Variants in IMMP2L observed in about 807,000 individuals in gnomAD.
The protein encoded by IMMP2L is mitochondrial inner membrane protease subunit 2.
IMMP2L carries 18 observed loss-of-function variants against 19.3 expected under a neutral mutation model. The observed-to-expected ratio is 0.93, with a 90% confidence interval of 0.64 to 1.38. The LOEUF (loss-of-function observed/expected upper bound fraction) is 1.38. Ranked by LOEUF, IMMP2L falls within the 40% of genes most tolerant of loss-of-function variation. IMMP2L has a pLI of 0.00. For missense variants in IMMP2L, 233 were observed against 218.2 expected (o/e 1.07, Z -0.43); for synonymous variants, 76 against 73.0 (o/e 1.04, Z -0.21).
chr7:111,321,118 T>A (rs1824654080), intron 3 of IMMP2L, among the ~76,000 whole-genome samples: 1 of 152,030 alleles, frequency 6.6e-6, no homozygotes, highest in African/African-American at 2.4e-5. Context: ...GAGTTTGTCA[T>A]AAATTTCAGG....
chr7:111,495,073 T>C (rs1180110214), intron 2 of IMMP2L, among the ~76,000 whole-genome samples: 1 of 152,156 alleles, frequency 6.6e-6, no homozygotes, highest in Non-Finnish European at 1.5e-5. Context: ...TGAATACCTA[T>C]AAAATACCTA....
intron 5 of IMMP2L, among the ~76,000 whole-genome samples, chr7:110,851,474 G>A (rs147975686): frequency 1.0e-3 from 156 of 152,250 alleles, no homozygotes; most frequent in African/African-American, 3.3e-3. Context: ...GTCCTGAGAC[G>A]TTGTTTATGT....
intron 3 of IMMP2L, among the ~76,000 whole-genome samples, chr7:110,994,398 A>G (rs1214955852): frequency 6.6e-6 from 1 of 152,096 alleles, no homozygotes; most frequent in Non-Finnish European, 1.5e-5. Context: ...TAACAACTAC[A>G]TATTTTAGCT....
At chr7:110,910,564 A>C (rs1375635174) in intron 4 of IMMP2L, among the ~76,000 whole-genome samples, 1 of 152,130 alleles carries the variant, frequency 6.6e-6, no homozygotes, top group Non-Finnish European at 1.5e-5. Context: ...AATCAGAGAG[A>C]CTTTGACTTT....
chr7:110,901,967 A>G (rs1431676548), intron 4 of IMMP2L, among the ~76,000 whole-genome samples: 1 of 152,164 alleles, frequency 6.6e-6, no homozygotes, highest in African/African-American at 2.4e-5. Flanking sequence ...ACTGATTTGC[A>G]TCAAAGCTAT....
At chr7:110,911,055 T>C (rs1218303584) in intron 4 of IMMP2L, among the ~76,000 whole-genome samples, 1 of 152,162 alleles carries the variant, frequency 6.6e-6, no homozygotes, top group African/African-American at 2.4e-5. Flanking sequence ...TATTTACAAA[T>C]ATATATAATC....
intron 3 of IMMP2L, among the ~76,000 whole-genome samples, chr7:111,434,518 G>GT (rs902016933): frequency 4.0e-5 from 6 of 149,984 alleles, no homozygotes; most frequent in African/African-American, 1.5e-4. Flanking sequence ...TTTTCTTTTT[G>GT]TTTTTTTGTC....
intron 3 of IMMP2L, among the ~76,000 whole-genome samples, chr7:111,472,372 T>TTGC (rs1841347563): frequency 1.3e-5 from 2 of 152,158 alleles, no homozygotes; most frequent in Admixed American, 1.3e-4. Context: ...AGGCATCATG[T>TTGC]TGCTCATTAA....
intron 3 of IMMP2L, among the ~76,000 whole-genome samples, chr7:111,285,038 G>A (rs1425725052): frequency 6.6e-6 from 1 of 152,140 alleles, no homozygotes; most frequent in African/African-American, 2.4e-5. Context: ...TGAGGGTAAG[G>A]AAGAGCTTCT....
chr7:110,959,796 A>G (rs1387165993), intron 4 of IMMP2L, among the ~76,000 whole-genome samples: 1 of 151,884 alleles, frequency 6.6e-6, no homozygotes, highest in African/African-American at 2.4e-5. Context: ...GCAGCAGTGG[A>G]AAGAGAGGAG....
intron 1 of IMMP2L, among the ~76,000 whole-genome samples, chr7:111,550,428 C>T (rs1849343338): frequency 6.6e-6 from 1 of 152,090 alleles, no homozygotes; most frequent in African/African-American, 2.4e-5. Context: ...CAAGAATGAA[C>T]CCTAATGTAA....
chr7:110,674,977 T>A (rs988764118), intron 5 of IMMP2L, among the ~76,000 whole-genome samples: 2 of 152,198 alleles, frequency 1.3e-5, no homozygotes, highest in Non-Finnish European at 2.9e-5. Context: ...CCAGTCCAAT[T>A]CATATCCATT....
chr7:111,100,610 T>C (rs1218788881), intron 3 of IMMP2L, among the ~76,000 whole-genome samples: 17 of 151,002 alleles, frequency 1.1e-4, no homozygotes, highest in Non-Finnish European at 2.2e-4. Context: ...AAGTATTACT[T>C]GTGGATTTTC....
chr7:111,347,416 C>A (rs533918151), intron 3 of IMMP2L, among the ~76,000 whole-genome samples: 7 of 152,130 alleles, frequency 4.6e-5, no homozygotes, highest in African/African-American at 1.7e-4. Context: ...GTGGACGAAA[C>A]CAGTCTCCAA....
chr7:111,279,821 A>G (rs1305530737), intron 3 of IMMP2L, among the ~76,000 whole-genome samples: 1 of 152,154 alleles, frequency 6.6e-6, no homozygotes, highest in East Asian at 1.9e-4. Context: ...GATTTTGTCC[A>G]TGATGCAGCA....
At chr7:111,343,692 G>A (rs944695240) in intron 3 of IMMP2L, among the ~76,000 whole-genome samples, 2 of 151,640 alleles carry the variant, frequency 1.3e-5, no homozygotes, top group Admixed American at 1.3e-4. Context: ...CCAGCCCCAT[G>A]CTGAGTCCTT....
chr7:111,178,607 A>T (rs1807346573), intron 3 of IMMP2L, among the ~76,000 whole-genome samples: 1 of 152,092 alleles, frequency 6.6e-6, no homozygotes, highest in Non-Finnish European at 1.5e-5. Context: ...AAAGTTTATT[A>T]AATATTCTAA....
At chr7:110,905,159 A>G (rs1414267629) in intron 4 of IMMP2L, among the ~76,000 whole-genome samples, 2 of 152,106 alleles carry the variant, frequency 1.3e-5, no homozygotes. Flanking sequence ...CAACCTGACC[A>G]TAATATGTAA....
chr7:111,242,184 A>C (rs1815143310), intron 3 of IMMP2L, among the ~76,000 whole-genome samples: 1 of 152,116 alleles, frequency 6.6e-6, no homozygotes, highest in South Asian at 2.1e-4. Flanking sequence ...AGAGATAGCA[A>C]AAACAAAGCA....
Sources: gnomAD v4.1 joint callset for allele counts (sites outside exome capture counted in the v4.1 genomes callset) on GRCh38, gnomAD v4.1.1 for gene constraint, MANE v1.5 for transcripts, NCBI Gene and HGNC (gene_info 2026-07-23, HGNC 2026-07-21) for gene names.